The following CELSR2 variants were observed in gnomAD, a reference collection of about 807,000 sequenced individuals.
The protein encoded by CELSR2 is EGF-like protein 2.
A neutral mutation model predicts 251.6 loss-of-function variants in CELSR2; 81 were observed. That is an observed-to-expected ratio of 0.32 (90% CI 0.27 to 0.39). The LOEUF (loss-of-function observed/expected upper bound fraction) is 0.39, where lower values mean the gene tolerates loss of function less well. Among genes scored for constraint, CELSR2 ranks in the 10% least tolerant of loss-of-function variants. The pLI is 1.00. For synonymous variants in CELSR2, 1,721 were observed against 1,670.5 expected (o/e 1.03, Z -0.74); for missense variants, 3,365 against 3,947.7 (o/e 0.85, Z 3.96).
chr1:109,250,706 C>G lies in CELSR2; in HGVS notation c.627C>G (p.Asp209Glu), dbSNP rs368528957. The G allele has an allele frequency of 6.2e-7, 1 of 1,614,098 alleles. No individual in the cohort carries two copies. The highest frequency in any genetic ancestry group is 8.5e-7 in the Non-Finnish European group (1 of 1,180,028). The part of the protein sequence containing the change: ...PVASLRAIDP[D>E]EGEAGRLEYT... ...CATCCCTGAGGGCCATCGACCCGGA[C>G]GAGGGTGAGGCAGGTCGACTGGAGT... The change falls in exon 1 of 34, where the codon GAC becomes GAG. Residue 209 changes from aspartate (D) to glutamate (E), a missense_variant. Physicochemically the swap from Asp to Glu is conservative, Grantham distance 45. Transcript: ENST00000271332. The surrounding 1 kb of genome is among the most constrained non-coding windows in gnomAD (Gnocchi z 4.4).
At chr1:109,266,368 C>T (rs759096890) in intron 15 of CELSR2, 162 bp downstream of exon 15, 1 of 826,274 alleles carries the variant, frequency 1.2e-6, no homozygotes, top group Non-Finnish European at 1.8e-6. Context: ...CCCCCTTCCC[C>T]ATGTTGCCCA....
rs2101242851 is a variant in CELSR2 at position 109,256,777 on chromosome 1, G to A, written c.3311-1655G>A. Among the ~76,000 whole-genome samples, 2 of 152,186 alleles carry A rather than the reference G, an allele frequency of 1.3e-5. 1 individual carries two copies. The highest frequency in any genetic ancestry group is 6.8e-3 in the Middle Eastern group (2 of 294). Reference sequence around the variant, plus strand: ...CTGCCTCAGCCTCCTGAGTATCTGGGACCTCCTGAGTAGCTGAGATTACAG... The same window carrying A: ...CTGCCTCAGCCTCCTGAGTATCTGGAACCTCCTGAGTAGCTGAGATTACAG... On this transcript the variant is annotated intron_variant, in intron 1 of 33. Transcript: ENST00000271332.
rs144396918 is a variant in CELSR2, at chr1:109,265,873, C to T, written c.5866C>T (p.Arg1956Cys). 1.3e-5 allele frequency: 21 copies of T among 1,613,880 alleles called. No homozygotes were observed. The highest frequency in any genetic ancestry group is 6.7e-5 in the East Asian group (3 of 44,890). The change falls in exon 14 of 34, where the codon CGC (arginine) becomes TGC (cysteine). Residue 1956 changes from arginine (R) to cysteine (C), a missense_variant. This residue lies in a region of CELSR2 where 2,093 missense variants were observed against 2,382.8 expected (regional missense o/e 0.88). Transcript: ENST00000271332. ...KPGVIGRQCD[R>C]CDNPFAEVTT... is the part of the protein sequence containing the mutation. ...AGGTGTCATCGGGCGTCAGTGTGAC[C>T]GCTGTGACAACCCTTTTGCTGAGGT...
Position 109,252,669 on chromosome 1 carries a change from T to A in CELSR2, c.2590T>A (p.Phe864Ile). 2.5e-6 allele frequency: 4 copies of A among 1,613,900 alleles called. No homozygotes were observed. Among genetic ancestry groups the A allele is most frequent in the Non-Finnish European group, 3.4e-6 (4 of 1,180,032 alleles). ...AGGAGGCGACGATGGAGACGGTGAC[T>A]TTATTGTTGAGTCCACGTCAGGCAT... Reference protein sequence around the residue: ...FQGGDDGDGDFIVESTSGIVR... With the variant: ...FQGGDDGDGDIIVESTSGIVR... Residue 864 changes from phenylalanine to isoleucine, a missense_variant, in exon 1 of 34, where the codon TTT becomes ATT. Transcript: ENST00000271332. This position sits in a 1 kb window ranked among gnomAD's most constrained non-coding sequence, Gnocchi z 4.8.
At position 109,250,813 on chromosome 1, in the gene CELSR2, A is replaced by T; in HGVS notation, c.734A>T (p.Glu245Val). Residue 245 changes from glutamate (E) to valine (V), a missense_variant, in exon 1 of 34, where the codon GAG becomes GTG. Coordinates refer to ENST00000271332, the MANE Select transcript of CELSR2 (RefSeq NM_001408.3). The surrounding 1 kb of genome is among the most constrained non-coding windows in gnomAD (Gnocchi z 4.4). ...DPVTGAVTTA[E>V]ELDRETKSTH... is the part of the protein sequence containing the mutation. Reference sequence around the variant, plus strand: ...GTCACTGGTGCAGTAACCACAGCCGAGGAGCTGGATCGTGAGACCAAGAGC... The same window carrying T: ...GTCACTGGTGCAGTAACCACAGCCGTGGAGCTGGATCGTGAGACCAAGAGC... 1 of 1,614,050 alleles carries T rather than the reference A, an allele frequency of 6.2e-7. No individual in the cohort carries two copies. The highest frequency in any genetic ancestry group is 8.5e-7 in the Non-Finnish European group (1 of 1,180,016).
In CELSR2 at chr1:109,253,867, C is replaced by T. The variant is rs568060416; in HGVS notation, c.3310+478C>T. 3.9e-5 allele frequency among the ~76,000 whole-genome samples: 6 copies of T among 152,368 alleles called. No homozygotes were observed. In the South Asian group the frequency reaches 8.3e-4, roughly 21 times the overall value. On this transcript the variant is annotated intron_variant, in intron 1 of 33. Transcript: ENST00000271332. ...GGGGACCACGGGAGCACAGGGCTGC[C>T]GCCACCCAGGGGTCAGGACCCTGTA... is the stretch of plus-strand genomic sequence containing the variant.
chr1:109,269,078 G>A lies in CELSR2; in HGVS notation c.6632-32G>A. On this transcript the variant is annotated intron_variant, in intron 19 of 33. Transcript: ENST00000271332. This position sits in a 1 kb window ranked among gnomAD's most constrained non-coding sequence, Gnocchi z 6.4. ...CTGTGCAGACTCCACAGAGAGCAGG[G>A]CCCAGCTAAGTGTGACAGTGTCCCC... 1 of 1,597,698 alleles carries A rather than the reference G, an allele frequency of 6.3e-7. No individual in the cohort carries two copies. Among genetic ancestry groups the A allele is most frequent in the Non-Finnish European group, 8.5e-7 (1 of 1,169,748 alleles).
intron 1 of CELSR2, among the ~76,000 whole-genome samples, chr1:109,257,460 G>A (rs1655891076): frequency 6.6e-6 from 1 of 152,036 alleles, no homozygotes; most frequent in Admixed American, 6.6e-5. Flanking sequence ...CCATGTGTAT[G>A]TGCATTCAGG....
chr1:109,272,354 G>A lies in CELSR2; in HGVS notation c.8003G>A (p.Ser2668Asn), dbSNP rs1263025234. The A allele has an allele frequency of 2.5e-6, 4 of 1,612,472 alleles. No individual in the cohort carries two copies. Among genetic ancestry groups the A allele is most frequent in the Non-Finnish European group, 3.4e-6 (4 of 1,179,090 alleles). ...PYGDSAGSLH[S>N]TSRSGKSQPS... The stretch of plus-strand genomic sequence containing the variant: ...GGAGACTCGGCCGGCTCTCTGCACA[G>A]CACCAGTCGCTCGGGCAAGAGTCAG... Residue 2668 changes from serine to asparagine, a missense_variant, in exon 29 of 34, where the codon AGC becomes AAC. Physicochemically the swap from Ser to Asn is conservative, Grantham distance 46. This residue lies in a region of CELSR2 where 2,093 missense variants were observed against 2,382.8 expected (regional missense o/e 0.88). Coordinates refer to ENST00000271332, the MANE Select transcript of CELSR2 (RefSeq NM_001408.3).
In CELSR2 at chr1:109,265,754, C is replaced by T; in HGVS notation, c.5747C>T (p.Pro1916Leu). The T allele has an allele frequency of 1.9e-6, 3 of 1,611,996 alleles. No individual in the cohort carries two copies. Among genetic ancestry groups the T allele is most frequent in the Non-Finnish European group, 2.5e-6 (3 of 1,178,334 alleles). Residue 1916 changes from proline to leucine, a missense_variant, in exon 14 of 34, where the codon CCA becomes CTA. Pro to Leu is a moderately conservative substitution (Grantham distance 98). Coordinates refer to ENST00000271332, the MANE Select transcript of CELSR2 (RefSeq NM_001408.3). Reference sequence around the variant, plus strand: ...TCTCAGGAGAACCACTACCGGCCCCCAGGCAGCCCCACCTGCCTCTTGTGT... The same window carrying T: ...TCTCAGGAGAACCACTACCGGCCCCTAGGCAGCCCCACCTGCCTCTTGTGT... ...CHCKENHYRP[P>L]GSPTCLLCDC...
chr1:109,263,551 A>C, intron 8 of CELSR2, 60 bp from the exon 9 acceptor site: 3 of 1,587,130 alleles, frequency 1.9e-6, no homozygotes, highest in Non-Finnish European at 2.6e-6. Flanking sequence ...GCTGAGCATC[A>C]CAGCCCCAGG....
In CELSR2 at chr1:109,267,635, A is replaced by G. The variant is rs1656239863; in HGVS notation, c.6101A>G (p.Lys2034Arg). The part of the protein sequence containing the change: ...NCTSITFSEL[K>R]GFAERLQRNE... The stretch of plus-strand genomic sequence containing the variant: ...ACGTCCATCACCTTCTCAGAACTGA[A>G]GGGCTTCGTAAGTGAACCCCCTCAT... The change falls in exon 16 of 34, where the codon AAG becomes AGG. Residue 2034 changes from lysine (K) to arginine (R), a missense_variant. Lys to Arg is a conservative substitution (Grantham distance 26). Transcript: ENST00000271332. The G allele has an allele frequency of 1.2e-6, 2 of 1,614,130 alleles. No individual in the cohort carries two copies. The highest frequency in any genetic ancestry group is 1.7e-6 in the Non-Finnish European group (2 of 1,180,000).
At position 109,252,257 on chromosome 1, in the gene CELSR2, G is replaced by A. The variant is rs763638740; in HGVS notation, c.2178G>A (p.Pro726=). 8.4e-5 allele frequency: 136 copies of A among 1,613,294 alleles called. 2 individuals carry two copies. Among genetic ancestry groups the A allele is most frequent in the South Asian group, 8.1e-4 (74 of 91,082 alleles). Residue 726 remains proline, a synonymous_variant, in exon 1 of 34, where the codon CCG becomes CCA. Transcript: ENST00000271332. The surrounding 1 kb of genome is among the most constrained non-coding windows in gnomAD (Gnocchi z 4.8). ...HYTVNVNEDR[P]AGTTVVLISA... Reference sequence around the variant, plus strand: ...CAGTGAATGTTAATGAGGACCGGCCGGCAGGCACCACGGTGGTGCTGATCA... The same window carrying A: ...CAGTGAATGTTAATGAGGACCGGCCAGCAGGCACCACGGTGGTGCTGATCA...
Position 109,261,352 on chromosome 1 carries a change from A to C in CELSR2, c.4181+88A>C, listed in dbSNP as rs1656016054. 1.4e-6 allele frequency: 2 copies of C among 1,439,500 alleles called. No individual in the cohort carries two copies. Among genetic ancestry groups the C allele is most frequent in the South Asian group, 2.4e-5 (2 of 82,334 alleles). The allele number at this position is 1,439,500 out of a possible 1,614,324, so 89.2% of individuals were successfully genotyped here. A position where few individuals can be genotyped will look rare whatever the true frequency, so the allele number is the denominator to read the frequency against. ...CTGTGGTTGAAGTAAGAGGTCAGGC[A>C]GTGAAAGCGTGGAGCAGGCTGCCGG... On this transcript the variant is annotated intron_variant, in intron 3 of 33. Transcript: ENST00000271332. This position sits in a 1 kb window ranked among gnomAD's most constrained non-coding sequence, Gnocchi z 4.8.
In CELSR2 at chr1:109,261,785, A is replaced by G. The variant is rs1656027834; in HGVS notation, c.4298-23A>G. 1 of 1,578,672 alleles carries G rather than the reference A, an allele frequency of 6.3e-7. No homozygotes were observed. The highest frequency in any genetic ancestry group is 1.8e-5 in the Admixed American group (1 of 55,354). On this transcript the variant is annotated intron_variant, in intron 4 of 33. Coordinates refer to ENST00000271332, the MANE Select transcript of CELSR2 (RefSeq NM_001408.3). This position sits in a 1 kb window ranked among gnomAD's most constrained non-coding sequence, Gnocchi z 4.8. The stretch of plus-strand genomic sequence containing the variant: ...ATTCCTAGCCCTCGTCAGGCATTCC[A>G]GCTCACCTGGTCCTTTCCCCAGGGG...
chr1:109,256,544 G>GC (rs1655852876), intron 1 of CELSR2, among the ~76,000 whole-genome samples: 1 of 152,162 alleles, frequency 6.6e-6, no homozygotes, highest in African/African-American at 2.4e-5. Context: ...CATGTCCCTT[G>GC]CCTACTCCCA....
chr1:109,251,897 C>T lies in CELSR2; in HGVS notation c.1818C>T (p.Asn606=). 1 of 1,614,122 alleles carries T rather than the reference C, an allele frequency of 6.2e-7. No homozygotes were observed. The highest frequency in any genetic ancestry group is 8.5e-7 in the Non-Finnish European group (1 of 1,180,028). Residue 606 remains asparagine, a synonymous_variant, in exon 1 of 34, where the codon AAC becomes AAT. Transcript: ENST00000271332. The surrounding 1 kb of genome is among the most constrained non-coding windows in gnomAD (Gnocchi z 4.9). ...VSVTVLDVND[N]NPTFTQPEYT... ...TGACTGTCCTGGATGTCAACGACAA[C>T]AATCCAACCTTTACCCAACCAGAGT...
intron 14 of CELSR2, 46 bp downstream of exon 14, chr1:109,265,964 G>T: frequency 6.3e-7 from 1 of 1,593,130 alleles, no homozygotes; most frequent in South Asian, 1.1e-5. Context: ...CAGTGTGCTA[G>T]GCACCTGCAC....
In CELSR2 at chr1:109,250,121, G is replaced by A. The variant is rs1200817440; in HGVS notation, c.42G>A (p.Pro14=). Residue 14 remains proline, a synonymous_variant, in exon 1 of 34, where the codon CCG becomes CCA. Transcript: ENST00000271332. This position sits in a 1 kb window ranked among gnomAD's most constrained non-coding sequence, Gnocchi z 4.4. ...CCGGCGTCCCCCTCCCAACGCCGCC[G>A]CCGCCGCTGCTGCTGCTGTTGCTGC... is the stretch of plus-strand genomic sequence containing the variant. ...PATGVPLPTP[P]PPLLLLLLLL... 2 of 1,581,030 alleles carry A rather than the reference G, an allele frequency of 1.3e-6. No individual in the cohort carries two copies. The highest frequency in any genetic ancestry group is 2.8e-5 in the African/African-American group (2 of 72,502).
Sources: allele counts gnomAD v4.1 joint callset (sites outside exome capture counted in the v4.1 genomes callset), GRCh38; gene constraint gnomAD v4.1.1; regional missense constraint gnomAD v4.1.1; non-coding constraint Gnocchi (gnomAD v3.1); transcripts MANE v1.5; gene names NCBI Gene and HGNC (gene_info 2026-07-23, HGNC 2026-07-21).